Variants in TOP1 observed in about 807,000 individuals in gnomAD.
The protein encoded by TOP1 is DNA topoisomerase I, also known as DNA topoisomerase 1.
TOP1 carries 10 observed loss-of-function variants against 111.1 expected under a neutral mutation model. That is an observed-to-expected ratio of 0.09 (90% CI 0.06 to 0.15). TOP1 has a LOEUF of 0.15. Among genes scored for constraint, TOP1 ranks in the 10% least tolerant of loss-of-function variants. The pLI is 1.00. For missense variants in TOP1, 474 were observed against 926.7 expected, an observed-to-expected ratio of 0.51 and a Z score of 6.34; for synonymous variants, 271 against 302.9, an observed-to-expected ratio of 0.89 and a Z score of 1.10.
rs41276996 is a variant in TOP1, at chr20:41,115,055, T to C, written c.1639-316T>C. Among the ~76,000 whole-genome samples the C allele has an allele frequency of 0.068, 10,337 of 152,256 alleles. 374 individuals are homozygous for C. Among genetic ancestry groups the C allele is most frequent in the Middle Eastern group, 0.17 (50 of 294 alleles). ...GGACCATATTATAAGTAAGTACTTA[T>C]AAATGTACTTTAGGACCATATTATA... On this transcript the variant is annotated intron_variant, in intron 15 of 20. Transcript: ENST00000361337. This position sits in a 1 kb window ranked among gnomAD's most constrained non-coding sequence, Gnocchi z 6.3.
At chr20:41,056,611 G>A (rs1237351242) in intron 2 of TOP1, among the ~76,000 whole-genome samples, 1 of 152,112 alleles carries the variant, frequency 6.6e-6, no homozygotes, top group Non-Finnish European at 1.5e-5. Flanking sequence ...CCTCAGAGCA[G>A]CCAGTATTAC....
intron 2 of TOP1, among the ~76,000 whole-genome samples, chr20:41,036,407 C>T (rs933049926): frequency 4.6e-5 from 7 of 152,204 alleles, no homozygotes; most frequent in African/African-American, 1.7e-4. Flanking sequence ...TCCTATGAAA[C>T]ATGATCTGAC....
chr20:41,091,255 T>A lies in TOP1; in HGVS notation c.615-1217T>A, dbSNP rs185216737. ...GAAAGTAAATATGAGGGTAGTAAGTTAGTTATCTATTCGAGTAAAAGAAAC... is the reference window on the plus strand; with the variant it reads ...GAAAGTAAATATGAGGGTAGTAAGTAAGTTATCTATTCGAGTAAAAGAAAC... On this transcript the variant is annotated intron_variant, in intron 8 of 20. Transcript: ENST00000361337. Among the ~76,000 whole-genome samples, 11 of 152,334 alleles carry A rather than the reference T, an allele frequency of 7.2e-5. No homozygotes were observed. In the East Asian group the frequency reaches 2.1e-3, roughly 29 times the overall value.
chr20:41,034,993 G>A lies in TOP1; in HGVS notation c.58+5538G>A, dbSNP rs1227571605. On this transcript the variant is annotated intron_variant, in intron 2 of 20. Transcript: ENST00000361337. This position sits in a 1 kb window ranked among gnomAD's most constrained non-coding sequence, Gnocchi z 4.0. The stretch of plus-strand genomic sequence containing the variant: ...CAACCTCTGCCTCCTGGGCTCAAGC[G>A]ATCCTCCTACCTCACCCTCCCAAGT... 2.0e-5 allele frequency among the ~76,000 whole-genome samples: 3 copies of A among 151,944 alleles called. No individual in the cohort carries two copies. The highest frequency in any genetic ancestry group is 7.3e-5 in the African/African-American group (3 of 41,350).
chr20:41,081,346 A>C, intron 7 of TOP1, 106 bp downstream of exon 7: 1 of 1,349,506 alleles, frequency 7.4e-7, no homozygotes, highest in Non-Finnish European at 9.8e-7. Context: ...TTGGCTTGTT[A>C]TAACATTAGG....
chr20:41,066,228 G>T (rs746800786), intron 3 of TOP1, among the ~76,000 whole-genome samples: 20 of 151,038 alleles, frequency 1.3e-4, no homozygotes, highest in Non-Finnish European at 2.5e-4. Flanking sequence ...GTTTGGCCCT[G>T]TCCTGTTTTA....
At chr20:41,040,843 TTAAG>T (rs2033255105) in intron 2 of TOP1, among the ~76,000 whole-genome samples, 1 of 151,994 alleles carries the variant, frequency 6.6e-6, no homozygotes, top group Admixed American at 6.6e-5. Context: ...TAGGTTCTGT[TTAAG>T]TAGTATTTCT....
chr20:41,089,017 GTTC>G (rs2033883014), intron 8 of TOP1, among the ~76,000 whole-genome samples: 1 of 69,272 alleles, frequency 1.4e-5, no homozygotes, highest in Non-Finnish European at 2.6e-5. Context: ...TGTTGCCCCA[GTTC>G]TTTTTTTTTT....
Position 41,081,234 on chromosome 20 carries a change from A to C in TOP1, c.501A>C (p.Glu167Asp). ...TKKEKKRKLE[E>D]EEDGKLKKPK... The stretch of plus-strand genomic sequence containing the variant: ...AGGAGAAGAAAAGAAAACTAGAAGA[A>C]GAAGAGGTTAGTAAAGAGACTTAGG... Residue 167 changes from glutamate to aspartate, a missense_variant, in exon 7 of 21, where the codon GAA (glutamate) becomes GAC (aspartate). Coordinates refer to ENST00000361337, the MANE Select transcript of TOP1 (RefSeq NM_003286.4). 6.2e-7 allele frequency: 1 copy of C among 1,605,486 alleles called. No individual in the cohort carries two copies. The highest frequency in any genetic ancestry group is 2.2e-5 in the East Asian group (1 of 44,658).
rs761046769 is a variant in TOP1, at chr20:41,114,944, G to A, written c.1639-427G>A. 4.6e-5 allele frequency among the ~76,000 whole-genome samples: 7 copies of A among 152,178 alleles called. No homozygotes were observed. The highest frequency in any genetic ancestry group is 1.0e-4 in the Non-Finnish European group (7 of 68,030). On this transcript the variant is annotated intron_variant, in intron 15 of 20. Transcript: ENST00000361337. This position sits in a 1 kb window ranked among gnomAD's most constrained non-coding sequence, Gnocchi z 4.5. ...AGTACTCTGGACAGATTAGATAACA[G>A]TATGTATCAATGTAAATTTTTGAAG...
chr20:41,093,528 C>T lies in TOP1; in HGVS notation c.730+941C>T, dbSNP rs191910032. Among the ~76,000 whole-genome samples the T allele has an allele frequency of 2.0e-3, 310 of 152,202 alleles. 1 individual carries two copies. Among genetic ancestry groups the T allele is most frequent in the Non-Finnish European group, 3.8e-3 (256 of 67,998 alleles). On this transcript the variant is annotated intron_variant, in intron 9 of 20. Coordinates refer to ENST00000361337, the MANE Select transcript of TOP1 (RefSeq NM_003286.4). Reference sequence around the variant, plus strand: ...TCCTCTTCCACCTCCACTTGTCTTACCACCGTCTTTTGGCCACTGTTATTT... The same window carrying T: ...TCCTCTTCCACCTCCACTTGTCTTATCACCGTCTTTTGGCCACTGTTATTT...
At position 41,100,038 on chromosome 20, in the gene TOP1, T is replaced by C. The variant is rs760467706; in HGVS notation, c.976-18T>C. On this transcript the variant is annotated intron_variant, in intron 11 of 20. Coordinates refer to ENST00000361337, the MANE Select transcript of TOP1 (RefSeq NM_003286.4). The surrounding 1 kb of genome is among the most constrained non-coding windows in gnomAD (Gnocchi z 4.4). ...AGCAATCTGAATCTATTTTGAGTAC[T>C]TTCTTGCTGTCTTCCAGAAAATCAA... 2 of 1,580,852 alleles carry C rather than the reference T, an allele frequency of 1.3e-6. No homozygotes were observed. Among genetic ancestry groups the C allele is most frequent in the African/African-American group, 1.3e-5 (1 of 74,096 alleles).
At chr20:41,041,990 C>A (rs2122596972) in intron 2 of TOP1, among the ~76,000 whole-genome samples, 1 of 152,246 alleles carries the variant, frequency 6.6e-6, no homozygotes. Context: ...CTTGCTGCAA[C>A]CCCCACCTCC....
At chr20:41,108,942 A>G (rs2034191211) in intron 13 of TOP1, among the ~76,000 whole-genome samples, 1 of 152,254 alleles carries the variant, frequency 6.6e-6, no homozygotes, top group Non-Finnish European at 1.5e-5. Context: ...TTTTCAAACC[A>G]GCCTTAACCT....
At chr20:41,039,341 AAT>A (rs2033230418) in intron 2 of TOP1, among the ~76,000 whole-genome samples, 1 of 152,184 alleles carries the variant, frequency 6.6e-6, no homozygotes, top group South Asian at 2.1e-4. Context: ...TCTGGCAGTT[AAT>A]ATTTCACTAT....
chr20:41,097,420 A>C lies in TOP1; in HGVS notation c.852+79A>C. ...AAGTAATAAATTATCATTTTGCAAA[A>C]CATTTCCTGATGTAAAATTTGAGTT... On this transcript the variant is annotated intron_variant, in intron 10 of 20. Transcript: ENST00000361337. This position sits in a 1 kb window ranked among gnomAD's most constrained non-coding sequence, Gnocchi z 4.2. 3 of 1,380,580 alleles carry C rather than the reference A, an allele frequency of 2.2e-6. No individual in the cohort carries two copies. The highest frequency in any genetic ancestry group is 2.9e-6 in the Non-Finnish European group (3 of 1,024,684). The allele number at this position is 1,380,580 out of a possible 1,614,324, so 85.5% of individuals were successfully genotyped here.
At chr20:41,066,043 G>A (rs934010623) in intron 3 of TOP1, among the ~76,000 whole-genome samples, 1 of 152,186 alleles carries the variant, frequency 6.6e-6, no homozygotes, top group Non-Finnish European at 1.5e-5. Context: ...ATCAGATGAA[G>A]AATGTTGATT....
intron 14 of TOP1, among the ~76,000 whole-genome samples, chr20:41,113,728 A>AT (rs2034281480): frequency 2.7e-5 from 4 of 150,828 alleles, no homozygotes; most frequent in African/African-American, 7.3e-5. Context: ...AAAAAAAAAA[A>AT]AAAATAAAAA....
chr20:41,043,750 GAGGTTTGTAGTCACTCTCACTCTTCCC>G (rs1384983987), intron 2 of TOP1, among the ~76,000 whole-genome samples: 2 of 152,242 alleles, frequency 1.3e-5, no homozygotes, highest in East Asian at 3.8e-4. Flanking sequence ...ACGTAGGCCA[GAGGTTTGTAGTCACTCTCACTCTTCCC>G]AGGCATTAAG....
Sources: gnomAD v4.1 joint callset for allele counts (sites outside exome capture counted in the v4.1 genomes callset) on GRCh38, gnomAD v4.1.1 for gene constraint, Gnocchi (gnomAD v3.1) non-coding constraint, MANE v1.5 for transcripts, NCBI Gene and HGNC (gene_info 2026-07-23, HGNC 2026-07-21) for gene names.